The following ZRANB3 variants were observed in gnomAD, a reference collection of about 807,000 sequenced individuals.
The protein encoded by ZRANB3 is DNA annealing helicase and endonuclease ZRANB3.
A neutral mutation model predicts 133.8 loss-of-function variants in ZRANB3; 125 were observed. The observed-to-expected ratio is 0.93, with a 90% CI of 0.81 to 1.08. The LOEUF (loss-of-function observed/expected upper bound fraction) is 1.08. Among genes scored for constraint, ZRANB3 ranks in the 50% least tolerant of loss-of-function variants. The pLI is 0.00. For synonymous variants in ZRANB3, 387 were observed against 432.7 expected, an observed-to-expected ratio of 0.89 and a Z score of 1.31; for missense variants, 1,229 against 1,275.5, an observed-to-expected ratio of 0.96 and a Z score of 0.56.
intron 2 of ZRANB3, among the ~76,000 whole-genome samples, chr2:135,484,992 C>A (rs924682454): frequency 1.3e-5 from 2 of 151,732 alleles, no homozygotes; most frequent in Admixed American, 1.3e-4. Context: ...GCCAAGAATG[C>A]GCCACTGCAC....
intron 17 of ZRANB3, among the ~76,000 whole-genome samples, chr2:135,217,193 G>T (rs1216834662): frequency 2.6e-5 from 4 of 152,114 alleles, no homozygotes; most frequent in African/African-American, 9.7e-5. Context: ...CAGGTCATAG[G>T]TTGCACCATC....
chr2:135,529,665 C>T (rs1467074967), intron 1 of ZRANB3, among the ~76,000 whole-genome samples: 1 of 151,832 alleles, frequency 6.6e-6, no homozygotes, highest in Non-Finnish European at 1.5e-5. Context: ...TCTGCCACCA[C>T]GTCCGGCTAA....
chr2:135,350,404 T>G (rs1049977492), intron 4 of ZRANB3, among the ~76,000 whole-genome samples, 189 bp from the exon 5 acceptor site: 5 of 152,072 alleles, frequency 3.3e-5, no homozygotes, highest in Admixed American at 1.3e-4. Context: ...GATCCAAAAT[T>G]TACAGTTTTG....
chr2:135,397,355 G>A (rs1306185875), intron 2 of ZRANB3, among the ~76,000 whole-genome samples: 1 of 151,728 alleles, frequency 6.6e-6, no homozygotes, highest in South Asian at 2.1e-4. Flanking sequence ...GACTGAGGTA[G>A]GAGAACTACT....
intron 9 of ZRANB3, among the ~76,000 whole-genome samples, chr2:135,275,338 C>T (rs1016275391): frequency 6.3e-5 from 9 of 142,472 alleles, no homozygotes; most frequent in Middle Eastern, 3.6e-3. Context: ...GCTGGCCAGG[C>T]GGGGGCTGAC....
At chr2:135,317,374 A>G (rs1276625042) in intron 6 of ZRANB3, among the ~76,000 whole-genome samples, 2 of 152,192 alleles carry the variant, frequency 1.3e-5, no homozygotes, top group African/African-American at 2.4e-5. Flanking sequence ...CAGAACTACC[A>G]ATATTGGGAA....
At chr2:135,412,033 T>A (rs1039620538) in intron 2 of ZRANB3, among the ~76,000 whole-genome samples, 3 of 152,226 alleles carry the variant, frequency 2.0e-5, no homozygotes, top group Non-Finnish European at 4.4e-5. Flanking sequence ...AACTAAGGGC[T>A]TAGCACTGTG....
At chr2:135,316,269 A>C (rs1683247382) in intron 6 of ZRANB3, among the ~76,000 whole-genome samples, 1 of 152,224 alleles carries the variant, frequency 6.6e-6, no homozygotes, top group Admixed American at 6.5e-5. Flanking sequence ...ACCTTTCAGA[A>C]AATTAGAAGC....
intron 2 of ZRANB3, among the ~76,000 whole-genome samples, chr2:135,437,644 A>G (rs1309565738): frequency 2.0e-5 from 3 of 152,256 alleles, no homozygotes; most frequent in Admixed American, 6.5e-5. Flanking sequence ...AAAATCAAGA[A>G]GAGACTTTCT....
At chr2:135,242,616 T>G (rs895942698) in intron 12 of ZRANB3, among the ~76,000 whole-genome samples, 12 of 152,108 alleles carry the variant, frequency 7.9e-5, no homozygotes, top group African/African-American at 2.9e-4. Flanking sequence ...TCAGATCAAC[T>G]TGTGTCCTTC....
intron 2 of ZRANB3, among the ~76,000 whole-genome samples, chr2:135,393,929 C>T (rs564861747): frequency 3.5e-4 from 54 of 152,264 alleles, no homozygotes; most frequent in African/African-American, 1.3e-3. Context: ...ACGATCTCGG[C>T]TCACTGCAAC....
intron 7 of ZRANB3, among the ~76,000 whole-genome samples, chr2:135,313,992 G>C (rs1290280059): frequency 6.6e-6 from 1 of 152,156 alleles, no homozygotes; most frequent in Non-Finnish European, 1.5e-5. Flanking sequence ...AGCCTCCCAA[G>C]TAGCTTGGAT....
In ZRANB3 at chr2:135,341,023, T is replaced by TATTG. The variant is rs58725213; in HGVS notation, c.677+4523_677+4526dup. 1.3e-5 allele frequency among the ~76,000 whole-genome samples: 2 copies of TATTG among 149,226 alleles called. 1 individual carries two copies. The highest frequency in any genetic ancestry group is 5.2e-5 in the African/African-American group (2 of 38,722). ...GTGTAGAGAAAGACAACTGACTATT[T>TATTG]ATTGATTGATTGATTGATTTTGAGA... On this transcript the variant is annotated intron_variant, in intron 6 of 20. Coordinates refer to ENST00000264159, the MANE Select transcript of ZRANB3 (RefSeq NM_032143.4).
Position 135,318,211 on chromosome 2 carries a change from T to TG in ZRANB3, c.678-2682_678-2681insC, listed in dbSNP as rs1573901023. Among the ~76,000 whole-genome samples the TG allele has an allele frequency of 3.2e-5, 4 of 124,710 alleles. 1 individual carries two copies. The highest frequency in any genetic ancestry group is 2.2e-4 in the East Asian group (1 of 4,462). 81.8% of individuals were successfully genotyped at this position (124,710 alleles called of 152,430 possible). ...TTTTCCTATGCTATTTACACACTAT[T>TG]TTGTGTGTGTGTGTGTGTGTGTGTG... On this transcript the variant is annotated intron_variant, in intron 6 of 20. Coordinates refer to ENST00000264159, the MANE Select transcript of ZRANB3 (RefSeq NM_032143.4).
rs534774606 is a variant in ZRANB3 at position 135,397,260 on chromosome 2, T to G, written c.162-6440A>C. On this transcript the variant is annotated intron_variant, in intron 2 of 20. Transcript: ENST00000264159. The stretch of plus-strand genomic sequence containing the variant: ...CAATCTGAGACCAACGTGGGCAACA[T>G]AGCGAGACCTCCTCTCCACTAAAAC... Among the ~76,000 whole-genome samples the G allele has an allele frequency of 1.6e-3, 238 of 151,860 alleles. 4 individuals are homozygous for G. In the South Asian group the frequency reaches 0.049, roughly 31 times the overall value.
chr2:135,413,002 A>G (rs1297081981), intron 2 of ZRANB3, among the ~76,000 whole-genome samples: 1 of 152,146 alleles, frequency 6.6e-6, no homozygotes, highest in Non-Finnish European at 1.5e-5. Context: ...TTTCCTGTAT[A>G]TTACTGATGT....
chr2:135,441,504 G>A (rs1689776169), intron 2 of ZRANB3, among the ~76,000 whole-genome samples: 1 of 151,904 alleles, frequency 6.6e-6, no homozygotes, highest in African/African-American at 2.4e-5. Flanking sequence ...AAATATTTAA[G>A]TATATATTAA....
At chr2:135,239,699 A>C (rs1232213321) in intron 12 of ZRANB3, among the ~76,000 whole-genome samples, 1 of 152,200 alleles carries the variant, frequency 6.6e-6, no homozygotes, top group Non-Finnish European at 1.5e-5. Context: ...GAAATTAAAG[A>C]AAGAGCGGGC....
chr2:135,279,617 G>A (rs932716600), intron 8 of ZRANB3, among the ~76,000 whole-genome samples: 2 of 152,118 alleles, frequency 1.3e-5, no homozygotes, highest in African/African-American at 2.4e-5. Flanking sequence ...GTCTCGGATG[G>A]ATTCCCCCTC....
Sources: gnomAD v4.1 joint callset for allele counts (sites outside exome capture counted in the v4.1 genomes callset) on GRCh38, gnomAD v4.1.1 for gene constraint, MANE v1.5 for transcripts, NCBI Gene and HGNC (gene_info 2026-07-23, HGNC 2026-07-21) for gene names.